C8orf34: variants seen among roughly 807,000 people sequenced by gnomAD.
C8orf34 encodes chromosome 8 open reading frame 34, also known as uncharacterized protein C8orf34.
In C8orf34, 65 loss-of-function variants were observed where a neutral mutation model predicts 68.3. The observed-to-expected ratio is 0.95, with a 90% CI of 0.78 to 1.17. The LOEUF is 1.17. C8orf34 is among the 50% of genes most tolerant of loss of function. The probability of loss-of-function intolerance (pLI) is 0.00; values close to 1 mark genes in which losing one functional copy is unlikely to be tolerated. For synonymous variants in C8orf34, 244 were observed against 241.2 expected, an observed-to-expected ratio of 1.01 and a Z score of -0.11; for missense variants, 664 against 655.4, an observed-to-expected ratio of 1.01 and a Z score of -0.14.
At chr8:68,463,125 C>A (rs909646809) in intron 3 of C8orf34, among the ~76,000 whole-genome samples, 6 of 152,130 alleles carry the variant, frequency 3.9e-5, no homozygotes, top group Non-Finnish European at 7.3e-5. Context: ...ACTGATCCCA[C>A]AGAAATGCAA....
chr8:68,703,845 T>G lies in C8orf34; in HGVS notation c.1242-5149T>G, dbSNP rs553940877. Reference sequence around the variant, plus strand: ...CCCGGGTCAAACAACCACTCACACATAAGCCTCTGCCTCACACCCTGCATT... The same window carrying G: ...CCCGGGTCAAACAACCACTCACACAGAAGCCTCTGCCTCACACCCTGCATT... On this transcript the variant is annotated intron_variant, in intron 8 of 13. Transcript: ENST00000518698. Among the ~76,000 whole-genome samples the G allele has an allele frequency of 7.9e-4, 120 of 152,064 alleles. 4 individuals carry two copies. The South Asian group carries it at 0.012, about 15-fold the overall frequency.
intron 12 of C8orf34, among the ~76,000 whole-genome samples, chr8:68,796,987 T>C (rs1824198332): frequency 6.6e-6 from 1 of 151,976 alleles, no homozygotes; most frequent in Non-Finnish European, 1.5e-5. Flanking sequence ...CCACCACGCC[T>C]GGCTAATTTT....
At chr8:68,549,296 C>T (rs1207031323) in intron 7 of C8orf34, among the ~76,000 whole-genome samples, 3 of 151,766 alleles carry the variant, frequency 2.0e-5, no homozygotes, top group South Asian at 2.1e-4. Flanking sequence ...CTTTAGCTAA[C>T]TAAGACACTC....
At chr8:68,522,048 T>C in intron 6 of C8orf34, 77 bp downstream of exon 6, 1 of 1,334,650 alleles carries the variant, frequency 7.5e-7, no homozygotes. Context: ...AAGTTCATGG[T>C]TTTTATGAAA....
chr8:68,394,840 T>G (rs1037045648), intron 1 of C8orf34, among the ~76,000 whole-genome samples: 15 of 152,080 alleles, frequency 9.9e-5, no homozygotes, highest in Non-Finnish European at 8.8e-5. Flanking sequence ...CAAAAGACTA[T>G]ACTGTAGAAA....
chr8:68,782,529 T>A (rs192333820), intron 11 of C8orf34, among the ~76,000 whole-genome samples: 155 of 110,232 alleles, frequency 1.4e-3, no homozygotes, highest in African/African-American at 8.6e-3. Flanking sequence ...AGATACTACT[T>A]ATGAGTACAA....
chr8:68,462,801 G>A (rs1811906071), intron 3 of C8orf34, among the ~76,000 whole-genome samples: 1 of 151,894 alleles, frequency 6.6e-6, no homozygotes, highest in African/African-American at 2.4e-5. Flanking sequence ...AGTGTGTAGA[G>A]GGAAATGTAT....
chr8:68,818,015 C>T (rs1824871023), intron 13 of C8orf34, among the ~76,000 whole-genome samples: 2 of 152,098 alleles, frequency 1.3e-5, no homozygotes, highest in South Asian at 4.1e-4. Context: ...GACACAAAGC[C>T]TAACCATATC....
chr8:68,474,703 T>C (rs1812526952), intron 4 of C8orf34, among the ~76,000 whole-genome samples: 2 of 152,234 alleles, frequency 1.3e-5, no homozygotes, highest in Admixed American at 1.3e-4. Flanking sequence ...CTTTCCATCC[T>C]GTCATTCTAC....
intron 8 of C8orf34, among the ~76,000 whole-genome samples, chr8:68,667,281 C>T (rs1460351160): frequency 6.6e-6 from 1 of 152,100 alleles, no homozygotes; most frequent in East Asian, 1.9e-4. Context: ...ATATTTTTTA[C>T]CTTTTCTTTT....
intron 10 of C8orf34, among the ~76,000 whole-genome samples, chr8:68,772,824 GTCTTTCTTT>G (rs1350736506): frequency 4.3e-5 from 5 of 116,040 alleles, no homozygotes; most frequent in Non-Finnish European, 8.8e-5. Flanking sequence ...CTTTCTGTCT[GTCTTTCTTT>G]TCTTTCTTTC....
chr8:68,644,664 G>T (rs1278556645), intron 8 of C8orf34, among the ~76,000 whole-genome samples: 2 of 152,146 alleles, frequency 1.3e-5, no homozygotes, highest in Non-Finnish European at 2.9e-5. Context: ...GTGGGAGAAG[G>T]ATCCAGTGCC....
chr8:68,574,299 A>G (rs2130291829), intron 7 of C8orf34, among the ~76,000 whole-genome samples: 1 of 152,176 alleles, frequency 6.6e-6, no homozygotes, highest in East Asian at 1.9e-4. Flanking sequence ...ATACTACAAG[A>G]GATTTTACCT....
rs369976246 is a variant in C8orf34, at chr8:68,506,794, T to TTTGTTTTTCACATTTTGG, written c.766-15003_766-14986dup. Among the ~76,000 whole-genome samples the TTTGTTTTTCACATTTTGG allele has an allele frequency of 3.5e-3, 529 of 152,316 alleles. 1 individual carries two copies. The highest frequency in any genetic ancestry group is 0.011 in the African/African-American group (441 of 41,572). On this transcript the variant is annotated intron_variant, in intron 5 of 13. Coordinates refer to ENST00000518698, the MANE Select transcript of C8orf34 (RefSeq NM_052958.4). The stretch of plus-strand genomic sequence containing the variant: ...ACTGTTTTTTCTTTTCTTCTAGAAG[T>TTTGTTTTTCACATTTTGG]TTGTTTTTCACATTTTGGTCTTTAA...
At chr8:68,778,685 T>A (rs560624080) in intron 11 of C8orf34, among the ~76,000 whole-genome samples, 1 of 152,314 alleles carries the variant, frequency 6.6e-6, no homozygotes, top group Admixed American at 6.5e-5. Context: ...GTTAAATTTT[T>A]AAAAATATTA....
At position 68,787,473 on chromosome 8, in the gene C8orf34, C is replaced by T; in HGVS notation, c.1486C>T (p.His496Tyr). 6.2e-7 allele frequency: 1 copy of T among 1,611,950 alleles called. No homozygotes were observed. The highest frequency in any genetic ancestry group is 8.5e-7 in the Non-Finnish European group (1 of 1,178,718). The change falls in exon 12 of 14, where the codon CAT becomes TAT. Residue 496 changes from histidine to tyrosine, a missense_variant. Physicochemically the swap from His to Tyr is moderately conservative, Grantham distance 83. Transcript: ENST00000518698. ...ATCCTTAAAGCAATTGCAGGTAGTT[C>T]ATCAACCATGGATCTTGCCAAGTGA... Reference protein sequence around the residue: ...DESLKQLQVVHQPWILPSDTE... With the variant: ...DESLKQLQVVYQPWILPSDTE...
intron 1 of C8orf34, among the ~76,000 whole-genome samples, chr8:68,437,163 G>C (rs1022051576): frequency 4.6e-5 from 7 of 152,100 alleles, no homozygotes; most frequent in African/African-American, 1.7e-4. Context: ...ATCCAAAATA[G>C]TTAATAGACT....
intron 7 of C8orf34, among the ~76,000 whole-genome samples, chr8:68,598,649 G>A (rs1817614718): frequency 1.3e-5 from 2 of 152,082 alleles, no homozygotes; most frequent in Admixed American, 1.3e-4. Flanking sequence ...ATAGATAATA[G>A]AAATTTTCAT....
intron 7 of C8orf34, among the ~76,000 whole-genome samples, chr8:68,588,849 C>A (rs1211621857): frequency 6.6e-6 from 1 of 152,094 alleles, no homozygotes; most frequent in Non-Finnish European, 1.5e-5. Flanking sequence ...AGTCAGTAAA[C>A]TTTTTCTGTA....
Sources: allele counts gnomAD v4.1 joint callset (sites outside exome capture counted in the v4.1 genomes callset), GRCh38; gene constraint gnomAD v4.1.1; transcripts MANE v1.5; gene names NCBI Gene and HGNC (gene_info 2026-07-23, HGNC 2026-07-21).